SCLT1: variants seen among roughly 807,000 people sequenced by gnomAD.
The protein encoded by SCLT1 is sodium channel-associated protein 1.
A neutral mutation model predicts 112.8 loss-of-function variants in SCLT1; 78 were observed. The observed-to-expected ratio is 0.69, with a 90% CI of 0.58 to 0.83. The LOEUF is 0.83. SCLT1 is among the 40% of genes least tolerant of loss of function. The pLI is 0.00. For synonymous variants in SCLT1, 257 were observed against 254.7 expected (o/e 1.01, Z -0.09); for missense variants, 747 against 770.4 (o/e 0.97, Z 0.36).
chr4:129,017,648 G>T (rs982710428), intron 5 of SCLT1, among the ~76,000 whole-genome samples: 1 of 152,054 alleles, frequency 6.6e-6, no homozygotes, highest in African/African-American at 2.4e-5. Flanking sequence ...TTTGGTTCCA[G>T]TTGTATTTAT....
intron 18 of SCLT1, among the ~76,000 whole-genome samples, chr4:128,910,434 T>TCTATTA (rs1462322502): frequency 1.3e-5 from 2 of 152,388 alleles, no homozygotes; most frequent in Admixed American, 6.5e-5. Flanking sequence ...TCACATACTT[T>TCTATTA]GTCCATCTTT....
At chr4:129,024,302 TA>T (rs1745801099) in intron 5 of SCLT1, among the ~76,000 whole-genome samples, 1 of 152,054 alleles carries the variant, frequency 6.6e-6, no homozygotes, top group South Asian at 2.1e-4. Flanking sequence ...CACCCCCAAG[TA>T]GGGGCAGACT....
intron 18 of SCLT1, among the ~76,000 whole-genome samples, chr4:128,900,698 G>A (rs1238815762): frequency 6.6e-6 from 1 of 152,166 alleles, no homozygotes; most frequent in Non-Finnish European, 1.5e-5. Flanking sequence ...AAACTAAAGA[G>A]CTTCTGCACA....
rs903976201 is a variant in SCLT1, at chr4:129,093,217, T to C, written c.-114A>G. ...CAACGCTCGGTTGGTTGTCAAGCGC[T>C]CCAGCGGTGCAATCTGCATCCTACT... is the stretch of plus-strand genomic sequence containing the variant. On this transcript the variant is annotated 5_prime_UTR_variant, in exon 1 of 21. Coordinates refer to ENST00000281142, the MANE Select transcript of SCLT1 (RefSeq NM_144643.4). 9.5e-6 allele frequency: 9 copies of C among 946,432 alleles called. No homozygotes were observed. In the African/African-American group the frequency reaches 1.1e-4, roughly 12 times the overall value. 58.6% of individuals were successfully genotyped at this position (946,432 alleles called of 1,614,324 possible).
intron 5 of SCLT1, among the ~76,000 whole-genome samples, chr4:129,023,343 CAG>C (rs1745670272): frequency 6.6e-6 from 1 of 152,190 alleles, no homozygotes; most frequent in Non-Finnish European, 1.5e-5. Flanking sequence ...TTTAAACACA[CAG>C]ACTGGCAAAT....
At position 128,943,188 on chromosome 4, in the gene SCLT1, G is replaced by T; in HGVS notation, c.1440C>A (p.Asp480Glu). 1.3e-6 allele frequency: 2 copies of T among 1,594,544 alleles called. No individual in the cohort carries two copies. Among genetic ancestry groups the T allele is most frequent in the Non-Finnish European group, 1.7e-6 (2 of 1,171,174 alleles). ...AENRIKQLET[D>E]SSEEISRYQE... ...GGTAACGTGATATTTCTTCTGAGGA[G>T]CTGATTAAAAAACGAAATGAAAAGA... The change falls in exon 17 of 21, where the codon GAC (aspartate) becomes GAA (glutamate). Residue 480 changes from aspartate (D) to glutamate (E), a missense_variant and splice_region_variant. Around this residue, in one of 2 missense-constraint regions of SCLT1, gnomAD observed 723 missense variants for 721.3 expected, o/e 1.00. Transcript: ENST00000281142.
At chr4:128,895,827 C>A (rs2125928207) in intron 18 of SCLT1, among the ~76,000 whole-genome samples, 1 of 152,304 alleles carries the variant, frequency 6.6e-6, no homozygotes, top group East Asian at 1.9e-4. Context: ...AAAATCGGGT[C>A]ACTCCCACCC....
chr4:129,031,767 C>G (rs1560990709), intron 5 of SCLT1, among the ~76,000 whole-genome samples: 1 of 152,030 alleles, frequency 6.6e-6, no homozygotes, highest in Non-Finnish European at 1.5e-5. Flanking sequence ...TATGAAGGAC[C>G]TCTTCAAGGA....
At chr4:129,019,379 A>C (rs1165977921) in intron 5 of SCLT1, among the ~76,000 whole-genome samples, 1 of 152,236 alleles carries the variant, frequency 6.6e-6, no homozygotes, top group Non-Finnish European at 1.5e-5. Flanking sequence ...CCATTCTTTT[A>C]CATACCATTA....
chr4:128,942,891 A>T, intron 17 of SCLT1, 105 bp downstream of exon 17: 1 of 739,552 alleles, frequency 1.4e-6, no homozygotes, highest in East Asian at 2.5e-5. Context: ...TCTGATGAGA[A>T]GGCAAAAAAA....
At chr4:129,045,523 A>G (rs1157620733) in intron 2 of SCLT1, among the ~76,000 whole-genome samples, 1 of 152,138 alleles carries the variant, frequency 6.6e-6, no homozygotes, top group Non-Finnish European at 1.5e-5. Flanking sequence ...CTTTTAACAG[A>G]ATAAATAAAA....
rs187343784 is a variant in SCLT1, at chr4:128,963,841, C to T, written c.869+1386G>A. ...GCATTGTTAATGTGGGAGGGGCAGGCATATATTTATTGTCACTTTTATTAT... is the reference window on the plus strand; with the variant it reads ...GCATTGTTAATGTGGGAGGGGCAGGTATATATTTATTGTCACTTTTATTAT... On this transcript the variant is annotated intron_variant, in intron 11 of 20. Transcript: ENST00000281142. Among the ~76,000 whole-genome samples the T allele has an allele frequency of 4.9e-3, 743 of 152,154 alleles. 6 individuals are homozygous for T. Among genetic ancestry groups the T allele is most frequent in the African/African-American group, 0.017 (699 of 41,524 alleles).
intron 4 of SCLT1, among the ~76,000 whole-genome samples, chr4:128,876,005 C>T (rs1193905650): frequency 6.6e-6 from 1 of 152,118 alleles, no homozygotes; most frequent in Non-Finnish European, 1.5e-5. Flanking sequence ...CTCTCATTCT[C>T]ATTTCTGAAA....
chr4:128,999,961 T>C (rs1050991635), intron 6 of SCLT1, among the ~76,000 whole-genome samples, 167 bp from the exon 7 acceptor site: 4 of 151,990 alleles, frequency 2.6e-5, no homozygotes, highest in Non-Finnish European at 4.4e-5. Flanking sequence ...GTTTTATTAT[T>C]AATAATTTAG....
At chr4:129,022,197 C>T (rs1745548351) in intron 5 of SCLT1, among the ~76,000 whole-genome samples, 1 of 152,128 alleles carries the variant, frequency 6.6e-6, no homozygotes, top group South Asian at 2.1e-4. Flanking sequence ...AAAATCAGTG[C>T]AAAAACGCAG....
At chr4:128,971,124 CAG>C (rs1376036617) in intron 9 of SCLT1, 2 of 151,952 alleles carry the variant, frequency 1.3e-5, no homozygotes, top group East Asian at 3.9e-4. Flanking sequence ...CTTTCTTAAA[CAG>C]AAAAAATGAT....
intron 14 of SCLT1, among the ~76,000 whole-genome samples, chr4:128,949,889 C>T (rs1312918439): frequency 1.3e-5 from 2 of 149,952 alleles, no homozygotes; most frequent in Non-Finnish European, 3.0e-5. Flanking sequence ...TTTGGAGGAA[C>T]CCACTTTGCT....
chr4:128,946,265 G>T, intron 15 of SCLT1, 113 bp from the exon 16 acceptor site: 1 of 604,468 alleles, frequency 1.7e-6, no homozygotes, highest in Non-Finnish European at 2.8e-6. Flanking sequence ...GTGTTCATTT[G>T]TTCTGACCGT....
intron 5 of SCLT1, among the ~76,000 whole-genome samples, chr4:129,034,421 A>G (rs1461536910): frequency 4.0e-5 from 6 of 151,726 alleles, no homozygotes; most frequent in Non-Finnish European, 5.9e-5. Context: ...TTTAGTTGTA[A>G]TCTAAAAAAA....
Sources: allele counts gnomAD v4.1 joint callset (sites outside exome capture counted in the v4.1 genomes callset), GRCh38; gene constraint gnomAD v4.1.1; regional missense constraint gnomAD v4.1.1; transcripts MANE v1.5; gene names NCBI Gene and HGNC (gene_info 2026-07-23, HGNC 2026-07-21).